Variants in XPO4 observed in about 807,000 individuals in gnomAD.
The protein encoded by XPO4 is exportin 4.
XPO4 carries 39 observed loss-of-function variants against 143.0 expected under a neutral mutation model. That is an observed-to-expected ratio of 0.27 (90% CI 0.21 to 0.36). XPO4 has a LOEUF of 0.36. Among genes scored for constraint, XPO4 ranks in the 10% least tolerant of loss-of-function variants. The probability of loss-of-function intolerance (pLI) is 1.00; values close to 1 mark genes in which losing one functional copy is unlikely to be tolerated. For synonymous variants in XPO4, 439 were observed against 474.0 expected, an observed-to-expected ratio of 0.93 and a Z score of 0.96; for missense variants, 907 against 1,348.0, an observed-to-expected ratio of 0.67 and a Z score of 5.12.
intron 1 of XPO4, among the ~76,000 whole-genome samples, chr13:20,873,957 T>C (rs1242249857): frequency 6.6e-6 from 1 of 152,198 alleles, no homozygotes; most frequent in Non-Finnish European, 1.5e-5. Flanking sequence ...AAAACATCTC[T>C]GTAGGAATTA....
chr13:20,872,177 G>C (rs1202516815), intron 1 of XPO4, among the ~76,000 whole-genome samples: 2 of 152,108 alleles, frequency 1.3e-5, no homozygotes, highest in African/African-American at 4.8e-5. Context: ...AGTTCCCCAA[G>C]TGGTACTGAC....
At chr13:20,868,364 C>CA (rs1295022416) in intron 2 of XPO4, 2 of 489,812 alleles carry the variant, frequency 4.1e-6, no homozygotes, top group Non-Finnish European at 6.1e-6. Flanking sequence ...AATAATAAAA[C>CA]AAATTATGAA....
At chr13:20,808,389 A>G (rs1165021518) in intron 12 of XPO4, 47 bp downstream of exon 12, 2 of 1,479,048 alleles carry the variant, frequency 1.4e-6, no homozygotes, top group Non-Finnish European at 1.8e-6. Context: ...TTAAGGCTTA[A>G]ATTGCTCAGT....
intron 6 of XPO4, among the ~76,000 whole-genome samples, chr13:20,832,573 A>G (rs1406311874): frequency 6.6e-6 from 1 of 152,204 alleles, no homozygotes; most frequent in Non-Finnish European, 1.5e-5. Flanking sequence ...ATCTTTCCAT[A>G]CTATTTTTTA....
At chr13:20,885,631 A>C (rs1195828717) in intron 1 of XPO4, among the ~76,000 whole-genome samples, 1 of 152,208 alleles carries the variant, frequency 6.6e-6, no homozygotes, top group Non-Finnish European at 1.5e-5. Context: ...GGGCATGGAA[A>C]GGTTGAAAGC....
At chr13:20,866,409 C>CT in intron 2 of XPO4, 2 of 979,488 alleles carry the variant, frequency 2.0e-6, no homozygotes, top group Non-Finnish European at 2.4e-6. Context: ...AAAGTCTCCC[C>CT]TTTAGTAGAA....
At chr13:20,887,840 G>A (rs1453662038) in intron 1 of XPO4, among the ~76,000 whole-genome samples, 3 of 151,424 alleles carry the variant, frequency 2.0e-5, no homozygotes, top group African/African-American at 4.8e-5. Flanking sequence ...CAGCCTGGGC[G>A]ACAGTCAGAC....
At chr13:20,794,942 C>T (rs1028692803) in intron 18 of XPO4, among the ~76,000 whole-genome samples, 1 of 150,314 alleles carries the variant, frequency 6.7e-6, no homozygotes, top group Non-Finnish European at 1.5e-5. Flanking sequence ...AGTAAACCTT[C>T]TACACTGTGA....
chr13:20,798,389 C>T (rs188924021), intron 16 of XPO4, among the ~76,000 whole-genome samples: 5 of 152,232 alleles, frequency 3.3e-5, no homozygotes, highest in Admixed American at 3.3e-4. Context: ...TCAGAAAGAA[C>T]AAATCCCATG....
chr13:20,865,119 G>C (rs1181458879), intron 2 of XPO4, among the ~76,000 whole-genome samples: 1 of 149,952 alleles, frequency 6.7e-6, no homozygotes, highest in Non-Finnish European at 1.5e-5. Flanking sequence ...TTTTCATGAA[G>C]AACTCACAAT....
At chr13:20,888,318 T>A (rs947227837) in intron 1 of XPO4, among the ~76,000 whole-genome samples, 6 of 152,082 alleles carry the variant, frequency 3.9e-5, no homozygotes, top group Non-Finnish European at 7.4e-5. Flanking sequence ...TATGGCATGA[T>A]CTTTTGAGAA....
chr13:20,872,235 G>C (rs1406440870), intron 1 of XPO4, among the ~76,000 whole-genome samples: 1 of 152,128 alleles, frequency 6.6e-6, no homozygotes, highest in Non-Finnish European at 1.5e-5. Flanking sequence ...ACAATCTTAA[G>C]TTACCCTTCA....
intron 1 of XPO4, among the ~76,000 whole-genome samples, chr13:20,883,584 T>C (rs2060433721): frequency 6.6e-6 from 1 of 152,198 alleles, no homozygotes; most frequent in Non-Finnish European, 1.5e-5. Context: ...AATGTCTATC[T>C]AGAAAAATGA....
chr13:20,858,416 C>T (rs768290550), intron 3 of XPO4, among the ~76,000 whole-genome samples: 3 of 151,904 alleles, frequency 2.0e-5, no homozygotes, highest in African/African-American at 4.8e-5. Context: ...GTGGCACTCT[C>T]GAATAGTTAA....
At position 20,855,641 on chromosome 13, in the gene XPO4, C is replaced by T. The variant is rs760292763; in HGVS notation, c.442G>A (p.Gly148Ser). The T allele has an allele frequency of 3.1e-6, 5 of 1,604,838 alleles. No individual in the cohort carries two copies. ...AGCACACTTACCACAGTGGGATTGC[C>T]ACTACTAATCAACTGGCTGACTTCA... The part of the protein sequence containing the change: ...FHEVSQLISS[G>S]NPTVQTLACS... Residue 148 changes from glycine to serine, a missense_variant, in exon 4 of 23, where the codon GGC becomes AGC. Physicochemically the swap from Gly to Ser is moderately conservative, Grantham distance 56. Transcript: ENST00000255305.
intron 1 of XPO4, among the ~76,000 whole-genome samples, chr13:20,901,420 G>A (rs967132198): frequency 6.6e-5 from 10 of 152,156 alleles, no homozygotes; most frequent in Admixed American, 4.6e-4. Flanking sequence ...TAGCTCCTAG[G>A]AAAATTTCAG....
chr13:20,863,182 T>C, intron 2 of XPO4: 1 of 942,428 alleles, frequency 1.1e-6, no homozygotes. Flanking sequence ...AATCAGAAAA[T>C]TTCCTAAGAT....
intron 1 of XPO4, among the ~76,000 whole-genome samples, chr13:20,880,022 C>T (rs1385103128): frequency 1.8e-4 from 27 of 152,218 alleles, no homozygotes; most frequent in Admixed American, 1.7e-3. Flanking sequence ...AAGACATCAC[C>T]TCACATCCAT....
chr13:20,852,489 CA>C (rs1455896661), intron 4 of XPO4: 1 of 985,206 alleles, frequency 1.0e-6, no homozygotes, highest in Non-Finnish European at 1.2e-6. Flanking sequence ...CAAATTCGAA[CA>C]AATTCATAGA....
Sources: allele counts gnomAD v4.1 joint callset (sites outside exome capture counted in the v4.1 genomes callset), GRCh38; gene constraint gnomAD v4.1.1; transcripts MANE v1.5; gene names NCBI Gene and HGNC (gene_info 2026-07-23, HGNC 2026-07-21).